Variants in RERE observed in about 807,000 individuals in gnomAD.
RERE encodes the protein arginine-glutamic acid dipeptide repeats.
RERE carries 40 observed loss-of-function variants against 146.1 expected under a neutral mutation model. That is an observed-to-expected ratio of 0.27 (90% CI 0.21 to 0.36). The LOEUF (loss-of-function observed/expected upper bound fraction) is 0.36. Ranked by LOEUF, RERE falls within the 10% of genes least tolerant of loss-of-function variation. The probability of loss-of-function intolerance (pLI) is 1.00; values close to 1 mark genes in which losing one functional copy is unlikely to be tolerated. For synonymous variants in RERE, 1,003 were observed against 866.0 expected (o/e 1.16, Z -2.78); for missense variants, 1,933 against 2,138.7 (o/e 0.90, Z 1.90).
intron 1 of RERE, among the ~76,000 whole-genome samples, chr1:8,732,182 T>C (rs536412663): frequency 6.6e-6 from 1 of 152,228 alleles, no homozygotes; most frequent in Non-Finnish European, 1.5e-5. Flanking sequence ...TAAAAACTTA[T>C]GTCCATACAA....
At chr1:8,500,852 C>T (rs999561891) in intron 8 of RERE, among the ~76,000 whole-genome samples, 6 of 147,344 alleles carry the variant, frequency 4.1e-5, no homozygotes, top group African/African-American at 1.6e-4. Context: ...AGCACCTCTG[C>T]TGGGCCGCAA....
chr1:8,436,356 C>T (rs1240013886), intron 11 of RERE, among the ~76,000 whole-genome samples: 1 of 152,080 alleles, frequency 6.6e-6, no homozygotes, highest in Non-Finnish European at 1.5e-5. Flanking sequence ...TAACCCAACA[C>T]TCATAACAGA....
intron 1 of RERE, among the ~76,000 whole-genome samples, chr1:8,740,588 C>T (rs761335588): frequency 2.6e-5 from 4 of 152,172 alleles, no homozygotes; most frequent in Non-Finnish European, 4.4e-5. Flanking sequence ...AAACACAACA[C>T]GAATACATTG....
chr1:8,787,268 G>C (rs1011443205), intron 1 of RERE, among the ~76,000 whole-genome samples: 3 of 152,154 alleles, frequency 2.0e-5, no homozygotes, highest in Non-Finnish European at 4.4e-5. Flanking sequence ...TCCCTAGCCT[G>C]TTCAAGGCCT....
rs556393818 is a variant in RERE at position 8,514,972 on chromosome 1, T to TTA, written c.831-6299_831-6298dup. 3.9e-4 allele frequency among the ~76,000 whole-genome samples: 60 copies of TTA among 152,308 alleles called. No homozygotes were observed. The South Asian group carries it at 0.012, about 31-fold the overall frequency. On this transcript the variant is annotated intron_variant, in intron 7 of 22. Transcript: ENST00000400908. ...TATCTGTCCTAGGTGCTCTACAGTA[T>TTA]TATCTCATTTCTAGGTATTAAGGCA... is the stretch of plus-strand genomic sequence containing the variant.
At chr1:8,804,992 TTTTG>T (rs1247216117) in intron 1 of RERE, among the ~76,000 whole-genome samples, 5 of 145,134 alleles carry the variant, frequency 3.4e-5, no homozygotes, top group African/African-American at 1.3e-4. Context: ...ATTTTTTTTG[TTTTG>T]TTTTGTTTTT....
chr1:8,442,042 A>G (rs1202765790), intron 11 of RERE, among the ~76,000 whole-genome samples: 2 of 152,094 alleles, frequency 1.3e-5, no homozygotes, highest in African/African-American at 4.8e-5. Context: ...TAGAATGGAA[A>G]TAAAAATTAA....
intron 4 of RERE, among the ~76,000 whole-genome samples, chr1:8,586,093 A>G (rs1646424543): frequency 6.6e-6 from 1 of 152,222 alleles, no homozygotes; most frequent in South Asian, 2.1e-4. Flanking sequence ...TGTACTACAC[A>G]ATCAATAAAA....
At chr1:8,490,176 C>A (rs1398428903) in intron 10 of RERE, among the ~76,000 whole-genome samples, 2 of 151,460 alleles carry the variant, frequency 1.3e-5, no homozygotes, top group South Asian at 2.1e-4. Flanking sequence ...TCCTGGCCAA[C>A]GTGGTGAAAT....
intron 12 of RERE, among the ~76,000 whole-genome samples, chr1:8,395,989 T>TC (rs779398759): frequency 3.3e-4 from 50 of 152,292 alleles, no homozygotes; most frequent in East Asian, 2.9e-3. Flanking sequence ...TCTCTGTGCT[T>TC]AAAGGACAGC....
intron 1 of RERE, among the ~76,000 whole-genome samples, chr1:8,766,646 G>C (rs1247608304): frequency 2.6e-5 from 4 of 151,586 alleles, no homozygotes; most frequent in African/African-American, 9.7e-5. Flanking sequence ...ACAGGAAAAA[G>C]AAACAATACT....
chr1:8,522,493 A>T (rs568939411), intron 7 of RERE, among the ~76,000 whole-genome samples: 14 of 152,356 alleles, frequency 9.2e-5, no homozygotes, highest in Non-Finnish European at 1.6e-4. Context: ...AATCACAGAC[A>T]TCTGGTCTTA....
In RERE at chr1:8,790,950, C is replaced by T. The variant is rs114959116; in HGVS notation, c.-145+26210G>A. ...TCATAATGAACTGAAAAACCAAACA[C>T]TGTGTCCCTTTCATTTGGCAAGAAC... On this transcript the variant is annotated intron_variant, in intron 1 of 22. Transcript: ENST00000400908. 5.6e-3 allele frequency among the ~76,000 whole-genome samples: 854 copies of T among 152,326 alleles called. 9 individuals carry two copies. The highest frequency in any genetic ancestry group is 0.02 in the African/African-American group (819 of 41,574).
rs1412324453 is a variant in RERE, at chr1:8,582,408, T to C, written c.523-24885A>G. On this transcript the variant is annotated intron_variant, in intron 4 of 22. Coordinates refer to ENST00000400908, the MANE Select transcript of RERE (RefSeq NM_001042681.2). ...TTTTTCTCTCTCTTTCTTTAAAAAC[T>C]TTTTTTCTTTTTTTTTTTTTGGGGG... Among the ~76,000 whole-genome samples, 671 of 151,054 alleles carry C rather than the reference T, an allele frequency of 4.4e-3. 3 individuals carry two copies. The highest frequency in any genetic ancestry group is 0.016 in the African/African-American group (646 of 41,040).
intron 1 of RERE, among the ~76,000 whole-genome samples, chr1:8,741,304 C>G (rs965961293): frequency 1.4e-4 from 21 of 152,178 alleles, no homozygotes; most frequent in Admixed American, 1.4e-3. Context: ...ATCACTGAAT[C>G]CCAAAGAGTT....
At chr1:8,662,550 C>T (rs1638479321) in intron 1 of RERE, among the ~76,000 whole-genome samples, 1 of 152,094 alleles carries the variant, frequency 6.6e-6, no homozygotes, top group Non-Finnish European at 1.5e-5. Context: ...ATTAGCTATG[C>T]GTGGTGGTGC....
At chr1:8,604,614 GAGGGAGGGAGGAAGGAAGGAAGGAAGGA>G (rs1646676829) in intron 4 of RERE, among the ~76,000 whole-genome samples, 3 of 68,106 alleles carry the variant, frequency 4.4e-5, no homozygotes, top group East Asian at 7.2e-4. Flanking sequence ...GGGAGGGAGG[GAGGGAGGGAGGAAGGAAGGAAGGAAGGA>G]AGGAAGGAAG....
At chr1:8,442,569 T>C (rs1331168207) in intron 11 of RERE, among the ~76,000 whole-genome samples, 1 of 152,136 alleles carries the variant, frequency 6.6e-6, no homozygotes, top group Non-Finnish European at 1.5e-5. Flanking sequence ...GTGGGCCAAT[T>C]AAACCTCTTT....
intron 1 of RERE, chr1:8,750,611 AG>A: frequency 1.0e-6 from 1 of 982,908 alleles, no homozygotes; most frequent in Non-Finnish European, 1.6e-6. Context: ...CAAGGAATAT[AG>A]GCAGATGTAC....
Sources: gnomAD v4.1 joint callset for allele counts (sites outside exome capture counted in the v4.1 genomes callset) on GRCh38, gnomAD v4.1.1 for gene constraint, MANE v1.5 for transcripts, NCBI Gene and HGNC (gene_info 2026-07-23, HGNC 2026-07-21) for gene names.